The following PACSIN2 variants were observed in gnomAD, a reference collection of about 807,000 sequenced individuals.
PACSIN2 encodes protein kinase C and casein kinase substrate in neurons 2, also known as protein kinase C and casein kinase substrate in neurons protein 2.
Under a neutral mutation model 63.8 loss-of-function variants are expected in PACSIN2, and 25 were observed. The observed-to-expected ratio is 0.39, with a 90% CI of 0.29 to 0.55. PACSIN2 has a LOEUF of 0.55. Ranked by LOEUF, PACSIN2 falls within the 20% of genes least tolerant of loss-of-function variation. The probability of loss-of-function intolerance (pLI) is 0.62; values close to 1 mark genes in which losing one functional copy is unlikely to be tolerated. For missense variants in PACSIN2, 518 were observed against 646.9 expected, an observed-to-expected ratio of 0.80 and a Z score of 2.16; for synonymous variants, 255 against 256.2, an observed-to-expected ratio of 1.00 and a Z score of 0.05.
chr22:42,927,490 C>T (rs1006026047), intron 1 of PACSIN2, among the ~76,000 whole-genome samples: 3 of 152,124 alleles, frequency 2.0e-5, no homozygotes, highest in Non-Finnish European at 4.4e-5. Context: ...CTCAAGTGAT[C>T]CACCCATCTT....
intron 5 of PACSIN2, among the ~76,000 whole-genome samples, chr22:42,888,012 C>G (rs1168518744): frequency 6.6e-6 from 1 of 152,018 alleles, no homozygotes; most frequent in Non-Finnish European, 1.5e-5. Flanking sequence ...CTGGCTCCCC[C>G]AGACAAGCGC....
chr22:42,934,695 C>T (rs1017475466), intron 1 of PACSIN2, among the ~76,000 whole-genome samples: 3 of 152,172 alleles, frequency 2.0e-5, no homozygotes, highest in African/African-American at 7.2e-5. Flanking sequence ...ACCACTGTCC[C>T]GTTATAGTTC....
chr22:42,977,637 C>T (rs567732563), intron 1 of PACSIN2, among the ~76,000 whole-genome samples: 13 of 152,274 alleles, frequency 8.5e-5, no homozygotes, highest in Non-Finnish European at 1.3e-4. Flanking sequence ...CCAAATCTCA[C>T]GGCAAATTGT....
chr22:42,900,606 G>A (rs972748764), intron 2 of PACSIN2, among the ~76,000 whole-genome samples: 3 of 152,108 alleles, frequency 2.0e-5, no homozygotes, highest in Non-Finnish European at 4.4e-5. Context: ...CCGAGTAGCT[G>A]GGACCACAGG....
At chr22:42,982,060 C>T (rs1306423495) in intron 1 of PACSIN2, among the ~76,000 whole-genome samples, 33 of 107,898 alleles carry the variant, frequency 3.1e-4, no homozygotes, top group African/African-American at 7.5e-4. Flanking sequence ...CGCCTCTGCC[C>T]GGCCGCCCCT....
At chr22:42,946,393 A>T (rs1167495314) in intron 1 of PACSIN2, among the ~76,000 whole-genome samples, 1 of 152,166 alleles carries the variant, frequency 6.6e-6, no homozygotes, top group South Asian at 2.1e-4. Flanking sequence ...GGAGGCACAC[A>T]TTGGCCTCTG....
At chr22:42,932,808 C>T (rs1932808806) in intron 1 of PACSIN2, among the ~76,000 whole-genome samples, 1 of 151,790 alleles carries the variant, frequency 6.6e-6, no homozygotes, top group South Asian at 2.1e-4. Flanking sequence ...TGTAGAGCCA[C>T]TAAGTCAGAA....
At chr22:42,936,838 G>A (rs185988977) in intron 1 of PACSIN2, among the ~76,000 whole-genome samples, 4 of 146,288 alleles carry the variant, frequency 2.7e-5, no homozygotes, top group Admixed American at 7.1e-5. Context: ...CTGAACCCGC[G>A]AGACGGAGGT....
chr22:42,967,995 T>C (rs1920989792), intron 1 of PACSIN2, among the ~76,000 whole-genome samples: 1 of 152,258 alleles, frequency 6.6e-6, no homozygotes, highest in South Asian at 2.1e-4. Context: ...TACAATGATA[T>C]ACTCAGGATA....
chr22:42,999,302 A>G (rs1923611982), intron 1 of PACSIN2, among the ~76,000 whole-genome samples: 1 of 152,194 alleles, frequency 6.6e-6, no homozygotes, highest in Non-Finnish European at 1.5e-5. Flanking sequence ...GAAGGGGTCC[A>G]GGGAACTCTC....
intron 2 of PACSIN2, among the ~76,000 whole-genome samples, chr22:42,902,859 C>G (rs900281184): frequency 4.6e-5 from 7 of 152,238 alleles, no homozygotes; most frequent in African/African-American, 1.4e-4. Context: ...AGTGATCCAC[C>G]CACCTCAGCC....
intron 1 of PACSIN2, among the ~76,000 whole-genome samples, chr22:42,992,052 C>G (rs1000035356): frequency 1.3e-5 from 2 of 152,134 alleles, no homozygotes; most frequent in Admixed American, 1.3e-4. Flanking sequence ...TCAAAAGATA[C>G]TGTTAAAAGA....
intron 1 of PACSIN2, among the ~76,000 whole-genome samples, chr22:42,976,806 G>T (rs1177072681): frequency 3.9e-5 from 6 of 152,088 alleles, no homozygotes; most frequent in Admixed American, 6.5e-5. Flanking sequence ...TAATTGTCCT[G>T]CCAATTTTAT....
At chr22:43,007,967 A>G (rs1173003810) in intron 1 of PACSIN2, among the ~76,000 whole-genome samples, 2 of 152,182 alleles carry the variant, frequency 1.3e-5, no homozygotes, top group Admixed American at 6.5e-5. Context: ...AAAAGCAGGT[A>G]CTTCCACGGG....
intron 1 of PACSIN2, among the ~76,000 whole-genome samples, chr22:43,014,365 C>CACACACACACACA (rs1227376539): frequency 4.3e-4 from 4 of 9,384 alleles, no homozygotes; most frequent in African/African-American, 1.7e-3. Context: ...CACACACACA[C>CACACACACACACA]CACCCCCCCC....
chr22:42,893,706 G>A, intron 2 of PACSIN2, 93 bp from the exon 3 acceptor site: 1 of 1,314,794 alleles, frequency 7.6e-7, no homozygotes, highest in Non-Finnish European at 1.1e-6. Flanking sequence ...AGGCCCTGAT[G>A]CGCCCCTGGG....
At chr22:43,004,794 C>CAGAG (rs1923986289) in intron 1 of PACSIN2, among the ~76,000 whole-genome samples, 1 of 152,244 alleles carries the variant, frequency 6.6e-6, no homozygotes, top group Non-Finnish European at 1.5e-5. Flanking sequence ...GCAGAGGCCC[C>CAGAG]GTCACAGGCC....
intron 7 of PACSIN2, 101 bp from the exon 8 acceptor site, chr22:42,879,270 T>C: frequency 1.5e-6 from 2 of 1,290,912 alleles, no homozygotes; most frequent in Non-Finnish European, 1.1e-6. Flanking sequence ...GTTGGCTCTG[T>C]GCATCTGATG....
chr22:42,959,577 C>T (rs1012676668), intron 1 of PACSIN2: 1 of 152,212 alleles, frequency 6.6e-6, no homozygotes, highest in Admixed American at 6.5e-5. Flanking sequence ...CTTACTCTGA[C>T]ATCTTCTCCA....
Sources: allele counts gnomAD v4.1 joint callset (sites outside exome capture counted in the v4.1 genomes callset), GRCh38; gene constraint gnomAD v4.1.1; transcripts MANE v1.5; gene names NCBI Gene and HGNC (gene_info 2026-07-23, HGNC 2026-07-21).